The following KCNIP4 variants were observed in gnomAD, a reference collection of about 807,000 sequenced individuals.
KCNIP4 encodes Kv channel-interacting protein 4.
KCNIP4 carries 12 observed loss-of-function variants against 34.0 expected under a neutral mutation model. The ratio of observed to expected loss-of-function variants is 0.35; its 90% CI spans 0.23 to 0.57. The LOEUF (loss-of-function observed/expected upper bound fraction) is 0.57. Ranked by LOEUF, KCNIP4 falls within the 20% of genes least tolerant of loss-of-function variation. KCNIP4 has a pLI of 0.83. For synonymous variants in KCNIP4, 124 were observed against 102.2 expected (o/e 1.21, Z -1.29); for missense variants, 238 against 311.7 (o/e 0.76, Z 1.78).
rs533585268 is a variant in KCNIP4, at chr4:21,452,313, G to C, written c.61+496258C>G. Among the ~76,000 whole-genome samples the C allele has an allele frequency of 7.2e-5, 11 of 152,232 alleles. No individual in the cohort carries two copies. In the South Asian group the frequency reaches 1.0e-3, roughly 14 times the overall value. On this transcript the variant is annotated intron_variant, in intron 1 of 8. Transcript: ENST00000382152. ...TCAAAGACCCTGCCTTCATGGAGGT[G>C]GGAGAAGGAAGTTAGAAGCTGCCAA...
At chr4:21,725,170 C>A (rs1012104961) in intron 1 of KCNIP4, among the ~76,000 whole-genome samples, 8 of 152,108 alleles carry the variant, frequency 5.3e-5, no homozygotes, top group Non-Finnish European at 8.8e-5. Context: ...CCTTTTAAAC[C>A]AATCATTCTT....
At chr4:21,369,232 C>G (rs2109431077) in intron 1 of KCNIP4, among the ~76,000 whole-genome samples, 1 of 147,236 alleles carries the variant, frequency 6.8e-6, no homozygotes. Context: ...AAAATTAACA[C>G]TAAATAAATG....
At chr4:21,855,690 C>T (rs1469507553) in intron 1 of KCNIP4, 21 of 152,154 alleles carry the variant, frequency 1.4e-4, no homozygotes, top group Non-Finnish European at 4.4e-5. Context: ...CCCTGGAAGT[C>T]GCTAGCCCAC....
intron 1 of KCNIP4, among the ~76,000 whole-genome samples, chr4:21,192,165 G>A (rs546162856): frequency 5.3e-5 from 8 of 152,104 alleles, no homozygotes; most frequent in Non-Finnish European, 7.3e-5. Flanking sequence ...TCCACCAGCA[G>A]GTAATGTCAG....
intron 1 of KCNIP4, among the ~76,000 whole-genome samples, chr4:21,052,872 T>C (rs1743045934): frequency 1.3e-5 from 2 of 152,044 alleles, no homozygotes; most frequent in Non-Finnish European, 2.9e-5. Context: ...AGGGTGTAGG[T>C]TGCTGGTAAT....
rs139751910 is a variant in KCNIP4 at position 21,057,509 on chromosome 4, A to G, written c.62-174800T>C. Among the ~76,000 whole-genome samples, 14 of 152,248 alleles carry G rather than the reference A, an allele frequency of 9.2e-5. No individual in the cohort carries two copies. In the East Asian group the frequency reaches 2.7e-3, roughly 29 times the overall value. Reference sequence around the variant, plus strand: ...ATTTGATTACCTCAATTTTTTCCCAATGAGTGAATACGGACTTAAATTCAT... The same window carrying G: ...ATTTGATTACCTCAATTTTTTCCCAGTGAGTGAATACGGACTTAAATTCAT... On this transcript the variant is annotated intron_variant, in intron 1 of 8. Transcript: ENST00000382152.
At chr4:20,854,100 A>G (rs1026610653) in intron 2 of KCNIP4, among the ~76,000 whole-genome samples, 1 of 152,184 alleles carries the variant, frequency 6.6e-6, no homozygotes, top group Non-Finnish European at 1.5e-5. Context: ...TAAAGAACTA[A>G]AAGTAGAACT....
chr4:20,921,165 C>G (rs527620498), intron 1 of KCNIP4, among the ~76,000 whole-genome samples: 1 of 152,170 alleles, frequency 6.6e-6, no homozygotes, highest in African/African-American at 2.4e-5. Context: ...TAGTAAGACA[C>G]CTGACTCAAG....
intron 1 of KCNIP4, among the ~76,000 whole-genome samples, chr4:21,509,763 T>C (rs761058171): frequency 3.7e-4 from 56 of 152,164 alleles, no homozygotes; most frequent in Non-Finnish European, 4.8e-4. Flanking sequence ...TTCTGGCCTG[T>C]GTTTGTACAA....
intron 1 of KCNIP4, among the ~76,000 whole-genome samples, chr4:21,834,520 C>T (rs1453779674): frequency 1.3e-5 from 2 of 152,138 alleles, no homozygotes; most frequent in Non-Finnish European, 2.9e-5. Context: ...TCTAGATATA[C>T]AATCATGTCG....
chr4:21,190,057 A>G (rs1755512580), intron 1 of KCNIP4, among the ~76,000 whole-genome samples: 1 of 152,192 alleles, frequency 6.6e-6, no homozygotes, highest in Non-Finnish European at 1.5e-5. Context: ...AGACCCAAAG[A>G]TTTCAAAATT....
intron 1 of KCNIP4, among the ~76,000 whole-genome samples, chr4:20,890,922 G>A (rs1192353869): frequency 2.0e-5 from 3 of 152,086 alleles, no homozygotes; most frequent in Non-Finnish European, 2.9e-5. Context: ...TATGCAAGTG[G>A]TCATTCTCCA....
chr4:21,684,404 C>T (rs1414290360), intron 1 of KCNIP4, among the ~76,000 whole-genome samples: 2 of 152,006 alleles, frequency 1.3e-5, no homozygotes, highest in Non-Finnish European at 2.9e-5. Flanking sequence ...ACTGGTAATA[C>T]TTGAAGATTT....
intron 1 of KCNIP4, among the ~76,000 whole-genome samples, chr4:21,679,252 T>C (rs1026579166): frequency 6.6e-6 from 1 of 152,198 alleles, no homozygotes; most frequent in Admixed American, 6.5e-5. Context: ...TCCTATTGTA[T>C]ATTTACCCAG....
intron 2 of KCNIP4, among the ~76,000 whole-genome samples, chr4:20,852,805 A>T (rs554971699): frequency 1.1e-4 from 17 of 152,208 alleles, no homozygotes; most frequent in Non-Finnish European, 2.4e-4. Flanking sequence ...AATGTACAAA[A>T]ATCAGTAGCT....
intron 1 of KCNIP4, among the ~76,000 whole-genome samples, chr4:21,669,445 A>G (rs1468454853): frequency 2.0e-5 from 3 of 152,228 alleles, no homozygotes; most frequent in African/African-American, 7.2e-5. Flanking sequence ...ATTTACTGTA[A>G]GAATACAACA....
chr4:21,587,263 C>T (rs1741699403), intron 1 of KCNIP4, among the ~76,000 whole-genome samples: 1 of 152,002 alleles, frequency 6.6e-6, no homozygotes, highest in South Asian at 2.1e-4. Flanking sequence ...CTCTAGCTAT[C>T]CATTTTCTCA....
chr4:21,184,893 C>A (rs1755103417), intron 1 of KCNIP4, among the ~76,000 whole-genome samples: 1 of 152,044 alleles, frequency 6.6e-6, no homozygotes. Flanking sequence ...CTTAAACAAC[C>A]CCCTCCTGAG....
rs116152749 is a variant in KCNIP4, at chr4:21,838,811, T to A, written c.61+109760A>T. Among the ~76,000 whole-genome samples the A allele has an allele frequency of 5.9e-5, 9 of 152,304 alleles. No homozygotes were observed. In the South Asian group the frequency reaches 1.9e-3, roughly 32 times the overall value. The stretch of plus-strand genomic sequence containing the variant: ...CCACTTCTGTACTTTCTTACTGGAC[T>A]ACAAAATTTTCTGCCCATATTATAT... On this transcript the variant is annotated intron_variant, in intron 1 of 8. Transcript: ENST00000382152.
Sources: gnomAD v4.1 joint callset for allele counts (sites outside exome capture counted in the v4.1 genomes callset) on GRCh38, gnomAD v4.1.1 for gene constraint, MANE v1.5 for transcripts, NCBI Gene and HGNC (gene_info 2026-07-23, HGNC 2026-07-21) for gene names.